The following CSNK1G2 variants were observed in gnomAD, a reference collection of about 807,000 sequenced individuals.
CSNK1G2 encodes casein kinase I isoform gamma-2.
Under a neutral mutation model 48.0 loss-of-function variants are expected in CSNK1G2, and 11 were observed. The ratio of observed to expected loss-of-function variants is 0.23; its 90% CI spans 0.14 to 0.38. The LOEUF is 0.38. CSNK1G2 is among the 10% of genes least tolerant of loss of function. The probability of loss-of-function intolerance (pLI) is 1.00; values close to 1 mark genes in which losing one functional copy is unlikely to be tolerated. For missense variants in CSNK1G2, 446 were observed against 595.5 expected, an observed-to-expected ratio of 0.75 and a Z score of 2.61; for synonymous variants, 337 against 254.1, an observed-to-expected ratio of 1.33 and a Z score of -3.10.
At chr19:1,968,506 C>G (rs2015455611) in intron 1 of CSNK1G2, among the ~76,000 whole-genome samples, 1 of 152,224 alleles carries the variant, frequency 6.6e-6, no homozygotes, top group Non-Finnish European at 1.5e-5. Context: ...ACAGAGTCCC[C>G]TCAGCCATGA....
intron 2 of CSNK1G2, chr19:1,975,671 T>C: frequency 1.0e-6 from 1 of 985,100 alleles, no homozygotes; most frequent in Non-Finnish European, 1.2e-6. Flanking sequence ...GGACTGAACC[T>C]GCAGCTGATT....
intron 2 of CSNK1G2, among the ~76,000 whole-genome samples, chr19:1,973,396 ATTT>A (rs1424682960): frequency 1.3e-5 from 2 of 150,610 alleles, no homozygotes; most frequent in Non-Finnish European, 2.9e-5. Context: ...AAATTTTTGT[ATTT>A]TTAGTAGAGA....
chr19:1,946,289 T>TATTTATTTTTTATTTATTTA (rs56098852), intron 1 of CSNK1G2, among the ~76,000 whole-genome samples: 1 of 143,806 alleles, frequency 7.0e-6, no homozygotes, highest in Non-Finnish European at 1.5e-5. Flanking sequence ...TTTATTTATT[T>TATTTATTTTTTATTTATTTA]TTTATTTATT....
intron 1 of CSNK1G2, among the ~76,000 whole-genome samples, chr19:1,966,658 C>T (rs892460188): frequency 2.6e-5 from 4 of 152,216 alleles, no homozygotes; most frequent in South Asian, 2.1e-4. Flanking sequence ...GACAGCATCA[C>T]GCCCCACAGA....
chr19:1,969,644 C>T lies in CSNK1G2; in HGVS notation c.-129C>T. The T allele has an allele frequency of 6.0e-6, 5 of 826,798 alleles. No individual in the cohort carries two copies. Among genetic ancestry groups the T allele is most frequent in the Non-Finnish European group, 8.2e-6 (5 of 606,638 alleles). 51.2% of individuals were successfully genotyped at this position (826,798 alleles called of 1,614,324 possible). A position where few individuals can be genotyped will look rare whatever the true frequency, so the allele number is the denominator to read the frequency against. The stretch of plus-strand genomic sequence containing the variant: ...CCTGCGTCTCAGTAGCTGGGAGCCA[C>T]GGGCCCACGCCCGCCCACCGGCCGC... On this transcript the variant is annotated 5_prime_UTR_variant, in exon 2 of 12. In the 5' UTR this introduces an upstream ATG that the reference lacks. Coordinates refer to ENST00000255641, the MANE Select transcript of CSNK1G2 (RefSeq NM_001319.7).
At chr19:1,943,096 T>G (rs896961915) in intron 1 of CSNK1G2, among the ~76,000 whole-genome samples, 1 of 152,160 alleles carries the variant, frequency 6.6e-6, no homozygotes, top group Non-Finnish European at 1.5e-5. Context: ...GGGCCAGGTC[T>G]GGGGGTGAGA....
At chr19:1,944,490 C>T (rs1414119975) in intron 1 of CSNK1G2, among the ~76,000 whole-genome samples, 1 of 152,170 alleles carries the variant, frequency 6.6e-6, no homozygotes, top group African/African-American at 2.4e-5. Flanking sequence ...GGCTGACTCC[C>T]ACACCTGTGC....
chr19:1,966,601 G>C (rs1040201131), intron 1 of CSNK1G2, among the ~76,000 whole-genome samples: 1 of 152,178 alleles, frequency 6.6e-6, no homozygotes, highest in Non-Finnish European at 1.5e-5. Context: ...TGAGAGGACC[G>C]ACTGCAGTTC....
In CSNK1G2 at chr19:1,941,387, C is replaced by T. The variant is rs1371576994; in HGVS notation, c.-297C>T. 1 of 148,664 alleles carries T rather than the reference C, an allele frequency of 6.7e-6. No individual in the cohort carries two copies. The highest frequency in any genetic ancestry group is 2.4e-5 in the African/African-American group (1 of 41,036). The allele number at this position is 148,664 out of a possible 1,614,324, so 9.2% of individuals were successfully genotyped here. A position where few individuals can be genotyped will look rare whatever the true frequency, so the allele number is the denominator to read the frequency against. On this transcript the variant is annotated 5_prime_UTR_variant, in exon 1 of 12. Transcript: ENST00000255641. The stretch of plus-strand genomic sequence containing the variant: ...TGAGGCCGGGCCGGCCGCCCAGACG[C>T]TGCCCGCGGGCCCGGCCACGGCGGA...
At chr19:1,952,891 G>A (rs1418632839) in intron 1 of CSNK1G2, 2 of 446,556 alleles carry the variant, frequency 4.5e-6, no homozygotes, top group African/African-American at 2.2e-5. Flanking sequence ...ACAGAGGCAG[G>A]AGCTGGCAAC....
intron 1 of CSNK1G2, among the ~76,000 whole-genome samples, chr19:1,941,904 C>T (rs2014379688): frequency 6.6e-6 from 1 of 151,696 alleles, no homozygotes; most frequent in Non-Finnish European, 1.5e-5. Context: ...ACCGCCCACT[C>T]ACCCGCGTCC....
chr19:1,969,577 G>A lies in CSNK1G2; in HGVS notation c.-196G>A, dbSNP rs899943944. ...GTCTCCTGCCCCCGAGAGCGACCCC[G>A]AGGCCACTGAGAAGAGCAGCGCGGC... On this transcript the variant is annotated 5_prime_UTR_variant, in exon 2 of 12. Transcript: ENST00000255641. 23 of 414,044 alleles carry A rather than the reference G, an allele frequency of 5.6e-5. No homozygotes were observed. The highest frequency in any genetic ancestry group is 7.2e-5 in the Non-Finnish European group (17 of 236,390). 25.6% of individuals were successfully genotyped at this position (414,044 alleles called of 1,614,324 possible).
chr19:1,956,213 T>C (rs981118990), intron 1 of CSNK1G2, among the ~76,000 whole-genome samples: 5 of 151,744 alleles, frequency 3.3e-5, no homozygotes, highest in Non-Finnish European at 7.4e-5. Flanking sequence ...CCAGGAGCAG[T>C]GGGGCCCTAG....
At chr19:1,965,865 CA>C (rs1308417261) in intron 1 of CSNK1G2, among the ~76,000 whole-genome samples, 2 of 152,032 alleles carry the variant, frequency 1.3e-5, no homozygotes, top group African/African-American at 4.8e-5. Flanking sequence ...AGCAGAATCA[CA>C]GCTCACTTTA....
At chr19:1,954,197 T>A (rs2014896279) in intron 1 of CSNK1G2, 1 of 375,620 alleles carries the variant, frequency 2.7e-6, no homozygotes, top group Non-Finnish European at 5.3e-6. Context: ...CCTGCGCCCC[T>A]CCATTGTGGA....
intron 11 of CSNK1G2, 66 bp downstream of exon 11, chr19:1,980,083 G>A (rs1247902543): frequency 2.5e-6 from 4 of 1,603,732 alleles, no homozygotes; most frequent in African/African-American, 1.3e-5. Flanking sequence ...GGGTGGGAGG[G>A]CCTGAGGCCT....
rs1372564153 is a variant in CSNK1G2, at chr19:1,951,236, T to TA, written c.-266+9826dup. On this transcript the variant is annotated intron_variant, in intron 1 of 11. Transcript: ENST00000255641. ...CTCTACTAAAATACCCTGTCTCTAC[T>TA]AAAAAAAATACAAAAAATTAGCCGG... Among the ~76,000 whole-genome samples the TA allele has an allele frequency of 1.3e-4, 18 of 143,542 alleles. 3 individuals are homozygous for TA. The highest frequency in any genetic ancestry group is 2.8e-4 in the Admixed American group (4 of 14,310). 94.2% of individuals were successfully genotyped at this position (143,542 alleles called of 152,430 possible). A position where few individuals can be genotyped will look rare whatever the true frequency, so the allele number is the denominator to read the frequency against.
At position 1,978,850 on chromosome 19, in the gene CSNK1G2, C is replaced by T; in HGVS notation, c.448-9C>T. ...GGGGCCCGGCCGACACCGCCGTGCC[C>T]CCCTGCAGATCACGCGCATGGAGTA... On this transcript the variant is annotated splice_polypyrimidine_tract_variant and intron_variant, in intron 5 of 11. Transcript: ENST00000255641. The surrounding 1 kb of genome is among the most constrained non-coding windows in gnomAD (Gnocchi z 7.3). 1 of 1,599,472 alleles carries T rather than the reference C, an allele frequency of 6.3e-7. No homozygotes were observed. Among genetic ancestry groups the T allele is most frequent in the Non-Finnish European group, 8.5e-7 (1 of 1,176,490 alleles).
intron 1 of CSNK1G2, among the ~76,000 whole-genome samples, chr19:1,946,030 C>T (rs1599278317): frequency 1.3e-5 from 2 of 152,080 alleles, no homozygotes; most frequent in African/African-American, 4.8e-5. Flanking sequence ...ACTCTTGTTA[C>T]GGCAGATTCC....
Sources: gnomAD v4.1 joint callset for allele counts (sites outside exome capture counted in the v4.1 genomes callset) on GRCh38, gnomAD v4.1.1 for gene constraint, Gnocchi (gnomAD v3.1) non-coding constraint, MANE v1.5 for transcripts, NCBI Gene and HGNC (gene_info 2026-07-23, HGNC 2026-07-21) for gene names.